NPHS1: variants seen among roughly 807,000 people sequenced by gnomAD.
NPHS1 encodes the protein NPHS1 adhesion molecule, nephrin, also known as nephrin.
A neutral mutation model predicts 139.7 loss-of-function variants in NPHS1; 107 were observed. The ratio of observed to expected loss-of-function variants is 0.77; its 90% CI spans 0.66 to 0.90. The LOEUF (loss-of-function observed/expected upper bound fraction) is 0.90. NPHS1 is among the 40% of genes least tolerant of loss of function. The pLI, the probability that NPHS1 is intolerant of heterozygous loss-of-function variation, is 0.00. For missense variants in NPHS1, 1,580 were observed against 1,654.2 expected (o/e 0.96, Z 0.78); for synonymous variants, 707 against 706.6 (o/e 1.00, Z -0.01).
rs747590706 is a variant in NPHS1 at position 35,842,140 on chromosome 19, C to T, written c.2647G>A (p.Asp883Asn). ...FTWTKNGVPL[D>N]LQDPRYTEHT... is the part of the protein sequence containing the mutation. ...TGGGCTCACCTGGGATCTTGGAGAT[C>T]CAGAGGGACCCCGTTTTTTGTCCAA... Residue 883 changes from aspartate to asparagine, a missense_variant, in exon 19 of 29, where the codon GAT becomes AAT. Physicochemically the swap from Asp to Asn is conservative, Grantham distance 23. Coordinates refer to ENST00000378910, the MANE Select transcript of NPHS1 (RefSeq NM_004646.4). The T allele has an allele frequency of 6.2e-7, 1 of 1,605,776 alleles. No homozygotes were observed. Among genetic ancestry groups the T allele is most frequent in the East Asian group, 2.2e-5 (1 of 44,676 alleles).
In NPHS1 at chr19:35,848,178, G is replaced by C. The variant is rs1212617910; in HGVS notation, c.1316-13C>G. The C allele has an allele frequency of 6.2e-7, 1 of 1,614,022 alleles. No homozygotes were observed. Among genetic ancestry groups the C allele is most frequent in the Admixed American group, 1.7e-5 (1 of 60,014 alleles). On this transcript the variant is annotated splice_polypyrimidine_tract_variant and intron_variant, in intron 10 of 28. Transcript: ENST00000378910. ...TTCTGGGCGGGATCTGGCGGGGAGAGGAAGGAAGAATGACTTTTTCTCTGT... is the reference window on the plus strand; with the variant it reads ...TTCTGGGCGGGATCTGGCGGGGAGACGAAGGAAGAATGACTTTTTCTCTGT...
In NPHS1 at chr19:35,848,235, G is replaced by A. The variant is rs1442624530; in HGVS notation, c.1315+18C>T. On this transcript the variant is annotated intron_variant, in intron 10 of 28. Transcript: ENST00000378910. Reference sequence around the variant, plus strand: ...TCCTGAGGCTTGGGGGCATTGCTGGGCCAGGGCAGGGGCTCACATTTTACG... The same window carrying A: ...TCCTGAGGCTTGGGGGCATTGCTGGACCAGGGCAGGGGCTCACATTTTACG... The A allele has an allele frequency of 6.2e-7, 1 of 1,614,144 alleles. No individual in the cohort carries two copies. Among genetic ancestry groups the A allele is most frequent in the Non-Finnish European group, 8.5e-7 (1 of 1,180,022 alleles).
chr19:35,845,338 C>G lies in NPHS1; in HGVS notation c.1930+30G>C. On this transcript the variant is annotated intron_variant, in intron 14 of 28. Coordinates refer to ENST00000378910, the MANE Select transcript of NPHS1 (RefSeq NM_004646.4). The surrounding 1 kb of genome is among the most constrained non-coding windows in gnomAD (Gnocchi z 5.5). ...GAGTAGTTTAGGGTCAAGAAGGCATCGAGAGGGGCTTTCAGGCCGGGGCAC... is the reference window on the plus strand; with the variant it reads ...GAGTAGTTTAGGGTCAAGAAGGCATGGAGAGGGGCTTTCAGGCCGGGGCAC... The G allele has an allele frequency of 6.2e-7, 1 of 1,613,412 alleles. No homozygotes were observed. Among genetic ancestry groups the G allele is most frequent in the South Asian group, 1.1e-5 (1 of 91,064 alleles).
At position 35,829,670 on chromosome 19, in the gene NPHS1, C is replaced by A. The variant is rs549292616; in HGVS notation, c.3594+1174G>T. On this transcript the variant is annotated intron_variant, in intron 28 of 28. Transcript: ENST00000378910. The stretch of plus-strand genomic sequence containing the variant: ...TCTCCTGCATCAGCCTCCCAAGTAG[C>A]CGGGATTACAAGTGTGTGCCACCAC... Among the ~76,000 whole-genome samples, 138 of 152,150 alleles carry A rather than the reference C, an allele frequency of 9.1e-4. No homozygotes were observed. In the Middle Eastern group the frequency reaches 0.014, roughly 15 times the overall value.
Position 35,851,557 on chromosome 19 carries a change from AG to A in NPHS1, c.173del (p.Pro58LeufsTer70), listed in dbSNP as rs1278702432. On this transcript the variant is annotated frameshift_variant, in exon 2 of 29. Coordinates refer to ENST00000378910, the MANE Select transcript of NPHS1 (RefSeq NM_004646.4). LOFTEE classifies it high-confidence loss of function. ...CTTTGGCCCATTGCACCGCACTGCC[AG>A]GGGTGCTGACCCCACAACGCAGCTC... ...SVELRCGVST[P>X]GSAVQWAKDG... 1 of 1,613,768 alleles carries A rather than the reference AG, an allele frequency of 6.2e-7. No individual in the cohort carries two copies. Among genetic ancestry groups the A allele is most frequent in the Non-Finnish European group, 8.5e-7 (1 of 1,179,952 alleles).
rs1003802729 is a variant in NPHS1 at position 35,848,511 on chromosome 19, C to G, written c.1171-114G>C. On this transcript the variant is annotated intron_variant, in intron 9 of 28. Transcript: ENST00000378910. ...ACACAGGAGACATCTCTACCTCCCC[C>G]TCTGTTGGACCCATGGTCCTCAAGG... is the stretch of plus-strand genomic sequence containing the variant. The G allele has an allele frequency of 2.0e-5, 31 of 1,583,350 alleles. No homozygotes were observed. The South Asian group carries it at 3.4e-4, about 17-fold the overall frequency.
chr19:35,833,051 A>ATT (rs58221236), intron 23 of NPHS1, among the ~76,000 whole-genome samples: 3,397 of 142,266 alleles, frequency 0.024, 103 homozygotes, highest in African/African-American at 0.08. Flanking sequence ...CACCCGGCTA[A>ATT]TTTTTTTTTT....
chr19:35,850,503 G>A, intron 4 of NPHS1, 58 bp from the exon 5 acceptor site: 1 of 1,471,816 alleles, frequency 6.8e-7, no homozygotes, highest in Non-Finnish European at 9.5e-7. Flanking sequence ...AGATTCTGGG[G>A]AGCATGGCCT....
Position 35,830,969 on chromosome 19 carries a change from T to C in NPHS1, c.3482-13A>G. 6.2e-7 allele frequency: 1 copy of C among 1,607,834 alleles called. No individual in the cohort carries two copies. The highest frequency in any genetic ancestry group is 1.3e-5 in the African/African-American group (1 of 74,676). On this transcript the variant is annotated splice_polypyrimidine_tract_variant and intron_variant, in intron 27 of 28. Coordinates refer to ENST00000378910, the MANE Select transcript of NPHS1 (RefSeq NM_004646.4). ...TCACCTGTGAAACCTGGAGTTGGAG[T>C]GGAAGGGAGACACGATCAAGGCACC...
Position 35,850,265 on chromosome 19 carries a change from T to C in NPHS1, c.608+99A>G. ...GGATGAAGAATTGGGTCCCAGATGT[T>C]CATACCTAGCCCAAGCTTCATGCTT... On this transcript the variant is annotated intron_variant, in intron 5 of 28. Transcript: ENST00000378910. 3.2e-6 allele frequency: 3 copies of C among 935,374 alleles called. No homozygotes were observed. The South Asian group carries it at 4.0e-5, about 12-fold the overall frequency. The allele number at this position is 935,374 out of a possible 1,614,324, so 57.9% of individuals were successfully genotyped here.
At position 35,850,396 on chromosome 19, in the gene NPHS1, C is replaced by T; in HGVS notation, c.576G>A (p.Gln192=). The change falls in exon 5 of 29, where the codon CAG becomes CAA. Residue 192 remains glutamine (Q), a synonymous_variant. Transcript: ENST00000378910. ...DISANVNEGS[Q]QKLFTVEATA... ...TGGCCTCCACAGTGAAGAGTTTCTG[C>T]TGGGAGCCCTCGTTCACGTTTGCAG... 1 of 1,614,134 alleles carries T rather than the reference C, an allele frequency of 6.2e-7. No homozygotes were observed. Among genetic ancestry groups the T allele is most frequent in the Non-Finnish European group, 8.5e-7 (1 of 1,180,010 alleles).
rs770394555 is a variant in NPHS1 at position 35,851,293 on chromosome 19, G to A, written c.366C>T (p.Leu122=). The change falls in exon 3 of 29, where the codon CTC becomes CTT. Residue 122 remains leucine (L), a synonymous_variant. Transcript: ENST00000378910. ...QVGRSEMGPE[L]VSPRVILSIL... ...TGGAGAGGATCACTCTGGGAGACACGAGCTCGGGCCCCATCTCAGAGCGGC... is the reference window on the plus strand; with the variant it reads ...TGGAGAGGATCACTCTGGGAGACACAAGCTCGGGCCCCATCTCAGAGCGGC... The A allele has an allele frequency of 2.4e-5, 38 of 1,613,892 alleles. No individual in the cohort carries two copies. The highest frequency in any genetic ancestry group is 1.1e-4 in the African/African-American group (8 of 74,922).
chr19:35,840,733 G>C (rs1389798316), intron 20 of NPHS1, among the ~76,000 whole-genome samples: 1 of 146,260 alleles, frequency 6.8e-6, no homozygotes, highest in Non-Finnish European at 1.5e-5. Flanking sequence ...CTGTCGCCCA[G>C]GCTGGAGTGC....
intron 23 of NPHS1, among the ~76,000 whole-genome samples, chr19:35,833,665 C>T (rs1000716762): frequency 1.3e-5 from 2 of 152,018 alleles, no homozygotes; most frequent in African/African-American, 2.4e-5. Context: ...AAAGTGGCCA[C>T]ACTTGGAATT....
rs143986233 is a variant in NPHS1 at position 35,842,196 on chromosome 19, C to T, written c.2591G>A (p.Arg864His). ...AACGATGTTGGGGACACCTCGGGCACGGCAGTGGAGGGTGGCAGAACTGGT... is the reference window on the plus strand; with the variant it reads ...AACGATGTTGGGGACACCTCGGGCATGGCAGTGGAGGGTGGCAGAACTGGT... ...DSTSSATLHC[R>H]ARGVPNIVFT... The change falls in exon 19 of 29, where the codon CGT (arginine) becomes CAT (histidine). Residue 864 changes from arginine to histidine, a missense_variant. By Grantham distance (29) the Arg-to-His change is conservative. Coordinates refer to ENST00000378910, the MANE Select transcript of NPHS1 (RefSeq NM_004646.4). 2.2e-4 allele frequency: 358 copies of T among 1,612,198 alleles called. No homozygotes were observed. The highest frequency in any genetic ancestry group is 2.7e-4 in the Non-Finnish European group (315 of 1,179,390).
In NPHS1 at chr19:35,845,685, C is replaced by T. The variant is rs763346004; in HGVS notation, c.1741G>A (p.Asp581Asn). ...SSNPPVNLSW[D>N]KEGERLEGVA... ...CACTCCCACCTCTCCCCTTCCTTGT[C>T]CCAGGACAAGTTGACCGGCGGATTG... Residue 581 changes from aspartate (D) to asparagine (N), a missense_variant, in exon 13 of 29, where the codon GAC becomes AAC. Coordinates refer to ENST00000378910, the MANE Select transcript of NPHS1 (RefSeq NM_004646.4). The surrounding 1 kb of genome is among the most constrained non-coding windows in gnomAD (Gnocchi z 5.5). The T allele has an allele frequency of 4.3e-6, 7 of 1,613,886 alleles. No individual in the cohort carries two copies. The highest frequency in any genetic ancestry group is 5.9e-6 in the Non-Finnish European group (7 of 1,179,904).
At chr19:35,843,990 G>T (rs1973097358) in intron 16 of NPHS1, 113 bp downstream of exon 16, 1 of 1,433,248 alleles carries the variant, frequency 7.0e-7, no homozygotes, top group Admixed American at 1.9e-5. Context: ...CAGAACGGGA[G>T]GGTTCCAGGA....
Position 35,839,239 on chromosome 19 carries a change from G to T in NPHS1, c.3107C>A (p.Pro1036Gln). Residue 1036 changes from proline (P) to glutamine (Q), a missense_variant and splice_region_variant, in exon 22 of 29, where the codon CCA becomes CAA. By Grantham distance (76) the Pro-to-Gln change is moderately conservative. Transcript: ENST00000378910. ...DKGTQLPITT[P>Q]GLHQPSGEPE... ...CCTGCCCAAGCCTCCCTTCCCACCT[G>T]GGGTAGTGATGGGAAGCTGGGTCCC... 6.2e-7 allele frequency: 1 copy of T among 1,613,974 alleles called. No individual in the cohort carries two copies. Among genetic ancestry groups the T allele is most frequent in the Non-Finnish European group, 8.5e-7 (1 of 1,179,844 alleles).
intron 20 of NPHS1, among the ~76,000 whole-genome samples, chr19:35,841,030 G>A (rs935845135): frequency 2.0e-5 from 3 of 151,806 alleles, no homozygotes; most frequent in African/African-American, 4.8e-5. Flanking sequence ...TTTCCTCTGG[G>A]AATTCTAACA....
Sources: allele counts gnomAD v4.1 joint callset (sites outside exome capture counted in the v4.1 genomes callset), GRCh38; gene constraint gnomAD v4.1.1; non-coding constraint Gnocchi (gnomAD v3.1); transcripts MANE v1.5; gene names NCBI Gene and HGNC (gene_info 2026-07-23, HGNC 2026-07-21).